Variants in ASTN2 observed in about 807,000 individuals in gnomAD.
ASTN2 encodes the protein astrotactin-2.
A neutral mutation model predicts 139.8 loss-of-function variants in ASTN2; 54 were observed. The ratio of observed to expected loss-of-function variants is 0.39; its 90% CI spans 0.31 to 0.48. ASTN2 has a LOEUF of 0.48. ASTN2 is among the 20% of genes least tolerant of loss of function. ASTN2 has a pLI of 0.95. For synonymous variants in ASTN2, 756 were observed against 719.5 expected, an observed-to-expected ratio of 1.05 and a Z score of -0.81; for missense variants, 1,565 against 1,725.1, an observed-to-expected ratio of 0.91 and a Z score of 1.64.
intron 16 of ASTN2, among the ~76,000 whole-genome samples, chr9:116,682,356 C>T (rs1859935135): frequency 6.6e-6 from 1 of 152,148 alleles, no homozygotes; most frequent in Non-Finnish European, 1.5e-5. Flanking sequence ...GAATGGCAAT[C>T]ATTAAAAAGG....
chr9:116,888,054 A>G (rs554984315), intron 10 of ASTN2, among the ~76,000 whole-genome samples: 20 of 152,314 alleles, frequency 1.3e-4, no homozygotes, highest in African/African-American at 4.8e-4. Flanking sequence ...TTCATATATC[A>G]TAAGATCAGC....
chr9:116,793,392 G>C (rs1168012311), intron 13 of ASTN2, among the ~76,000 whole-genome samples: 5 of 152,172 alleles, frequency 3.3e-5, no homozygotes, highest in African/African-American at 1.2e-4. Flanking sequence ...AGAAATCCCT[G>C]CCCTCATGGA....
At chr9:116,930,977 C>T (rs1315733109) in intron 10 of ASTN2, among the ~76,000 whole-genome samples, 2 of 151,720 alleles carry the variant, frequency 1.3e-5, no homozygotes, top group African/African-American at 4.9e-5. Context: ...GGGTTACTGA[C>T]CCCAATCTAA....
chr9:117,224,227 T>A (rs1832626090), intron 2 of ASTN2, among the ~76,000 whole-genome samples: 1 of 152,260 alleles, frequency 6.6e-6, no homozygotes, highest in African/African-American at 2.4e-5. Context: ...CTTATATGGC[T>A]TTGGATAAGT....
At chr9:116,616,443 A>G (rs572008035) in intron 19 of ASTN2, among the ~76,000 whole-genome samples, 1 of 152,332 alleles carries the variant, frequency 6.6e-6, no homozygotes, top group Admixed American at 6.5e-5. Context: ...TAAACTCTAC[A>G]TAGTCTATAA....
At chr9:116,962,968 C>T (rs1835911962) in intron 10 of ASTN2, among the ~76,000 whole-genome samples, 1 of 152,118 alleles carries the variant, frequency 6.6e-6, no homozygotes, top group Admixed American at 6.5e-5. Flanking sequence ...TTTTCTATAT[C>T]CTCTCTCTGA....
chr9:117,180,997 C>T (rs1417641615), intron 3 of ASTN2: 5 of 1,596,046 alleles, frequency 3.1e-6, no homozygotes, highest in East Asian at 2.2e-5. Flanking sequence ...TCCAAAGGCA[C>T]CTCGCATGCC....
chr9:116,473,882 A>G (rs1848896888), intron 20 of ASTN2, among the ~76,000 whole-genome samples: 1 of 151,916 alleles, frequency 6.6e-6, no homozygotes, highest in South Asian at 2.1e-4. Flanking sequence ...AGTCTGGGCA[A>G]CAGAGCAAGA....
At position 116,772,931 on chromosome 9, in the gene ASTN2, G is replaced by A. The variant is rs181060672; in HGVS notation, c.2396+32701C>T. On this transcript the variant is annotated intron_variant, in intron 13 of 22. Coordinates refer to ENST00000313400, the MANE Select transcript of ASTN2 (RefSeq NM_001365068.1). ...GCATAGTCATTATTTCTTTAGGGGT[G>A]TGTCTTTCCTGCTAGCCTGAGGCTT... 1.2e-4 allele frequency among the ~76,000 whole-genome samples: 19 copies of A among 152,302 alleles called. No homozygotes were observed. In the East Asian group the frequency reaches 3.5e-3, roughly 28 times the overall value.
At chr9:117,308,772 T>A (rs938496065) in intron 1 of ASTN2, among the ~76,000 whole-genome samples, 1 of 147,452 alleles carries the variant, frequency 6.8e-6, no homozygotes, top group Admixed American at 6.8e-5. Flanking sequence ...CATCTACCTT[T>A]AAAAAAAAAA....
chr9:117,320,235 G>GAAAC lies in ASTN2; in HGVS notation c.443-28726_443-28723dup, dbSNP rs151102316. Among the ~76,000 whole-genome samples, 800 of 152,230 alleles carry GAAAC rather than the reference G, an allele frequency of 5.3e-3. 7 individuals carry two copies. Among genetic ancestry groups the GAAAC allele is most frequent in the African/African-American group, 0.018 (768 of 41,538 alleles). On this transcript the variant is annotated intron_variant, in intron 1 of 22. Coordinates refer to ENST00000313400, the MANE Select transcript of ASTN2 (RefSeq NM_001365068.1). Reference sequence around the variant, plus strand: ...CAGATCTCAAGGCCCACAATGAAATGAAACACATAACTGAAATAAAATACA... The same window carrying GAAAC: ...CAGATCTCAAGGCCCACAATGAAATGAAACAAACACATAACTGAAATAAAATACA...
At chr9:117,210,943 T>C (rs1832101884) in intron 3 of ASTN2, among the ~76,000 whole-genome samples, 1 of 114,166 alleles carries the variant, frequency 8.8e-6, no homozygotes, top group African/African-American at 3.3e-5. Flanking sequence ...GGACAATCAA[T>C]AGAATGATGG....
intron 1 of ASTN2, among the ~76,000 whole-genome samples, chr9:117,332,249 A>T (rs867913298): frequency 6.6e-6 from 1 of 152,206 alleles, no homozygotes; most frequent in South Asian, 2.1e-4. Context: ...CACCCTTTAT[A>T]GCATAACTTT....
intron 13 of ASTN2, among the ~76,000 whole-genome samples, chr9:116,787,745 G>A (rs982014199): frequency 7.2e-5 from 11 of 152,190 alleles, no homozygotes; most frequent in Middle Eastern, 6.8e-3. Flanking sequence ...ACATCATCCA[G>A]TGTCATTTTG....
At chr9:116,682,469 A>T (rs373806538) in intron 16 of ASTN2, among the ~76,000 whole-genome samples, 1 of 152,188 alleles carries the variant, frequency 6.6e-6, no homozygotes, top group African/African-American at 2.4e-5. Context: ...TCAGTGTGGC[A>T]ATTCCTCAGG....
intron 19 of ASTN2, among the ~76,000 whole-genome samples, chr9:116,549,810 G>A (rs1354355006): frequency 6.6e-6 from 1 of 152,098 alleles, no homozygotes; most frequent in African/African-American, 2.4e-5. Flanking sequence ...TGGCATCTGA[G>A]GCCTCCCAAG....
At chr9:116,821,221 G>A (rs1229734510) in intron 11 of ASTN2, among the ~76,000 whole-genome samples, 1 of 152,186 alleles carries the variant, frequency 6.6e-6, no homozygotes, top group Admixed American at 6.5e-5. Context: ...CTACCAGTAT[G>A]AGTGTAATTT....
chr9:116,807,916 C>G (rs1831068355), intron 12 of ASTN2, among the ~76,000 whole-genome samples: 1 of 151,174 alleles, frequency 6.6e-6, no homozygotes, highest in African/African-American at 2.4e-5. Context: ...TCAAGACCAG[C>G]CCAGCCAACA....
chr9:117,099,442 C>A (rs1403448762), intron 4 of ASTN2, among the ~76,000 whole-genome samples: 1 of 152,190 alleles, frequency 6.6e-6, no homozygotes, highest in African/African-American at 2.4e-5. Flanking sequence ...GTGAACAAAT[C>A]TGGCTTACAG....
Sources: gnomAD v4.1 joint callset for allele counts (sites outside exome capture counted in the v4.1 genomes callset) on GRCh38, gnomAD v4.1.1 for gene constraint, MANE v1.5 for transcripts, NCBI Gene and HGNC (gene_info 2026-07-23, HGNC 2026-07-21) for gene names.